The following SI variants were observed in gnomAD, a reference collection of about 807,000 sequenced individuals.
SI encodes the protein sucrase-isomaltase.
SI carries 235 observed loss-of-function variants against 253.3 expected under a neutral mutation model. The observed-to-expected ratio is 0.93, with a 90% CI of 0.83 to 1.03. SI has a LOEUF of 1.03. Among genes scored for constraint, SI ranks in the 50% least tolerant of loss-of-function variants. The pLI is 0.00. For synonymous variants in SI, 819 were observed against 712.0 expected (o/e 1.15, Z -2.39); for missense variants, 2,442 against 2,211.1 (o/e 1.10, Z -2.09).
Position 165,063,467 on chromosome 3 carries a change from A to C in SI, c.882T>G (p.Val294=), listed in dbSNP as rs1031859278. The change falls in exon 8 of 48, where the codon GTT becomes GTG. Residue 294 remains valine, a synonymous_variant. Coordinates refer to ENST00000264382, the MANE Select transcript of SI (RefSeq NM_001041.4). ...IEDTSGKSFG[V]FLMNSNAMEI... ...CCATTGCATTGCTATTCATTAAAAA[A>C]ACACCGAATGACTTTCCAGATGTAT... 1.9e-6 allele frequency: 3 copies of C among 1,543,052 alleles called. No individual in the cohort carries two copies. The highest frequency in any genetic ancestry group is 2.7e-6 in the Non-Finnish European group (3 of 1,117,422).
chr3:165,062,247 G>C (rs1464993387), intron 9 of SI, 124 bp downstream of exon 9: 1 of 637,746 alleles, frequency 1.6e-6, no homozygotes, highest in Non-Finnish European at 2.8e-6. Context: ...AATATGATAA[G>C]ATTTTCGAAA....
At chr3:165,077,992 T>C (rs1388625131) in intron 1 of SI, among the ~76,000 whole-genome samples, 1 of 151,646 alleles carries the variant, frequency 6.6e-6, no homozygotes, top group Non-Finnish European at 1.5e-5. Flanking sequence ...TACTTTATTG[T>C]ATAACAACTT....
chr3:165,055,453 G>A (rs1293837989), intron 12 of SI, 146 bp from the exon 13 acceptor site: 5 of 543,074 alleles, frequency 9.2e-6, no homozygotes, highest in African/African-American at 5.7e-5. Flanking sequence ...AAATTTACAA[G>A]AATATCATGA....
At chr3:165,041,334 GA>G (rs1294506741) in intron 17 of SI, among the ~76,000 whole-genome samples, 1 of 151,972 alleles carries the variant, frequency 6.6e-6, no homozygotes, top group Admixed American at 6.6e-5. Context: ...CGTTGCCACA[GA>G]AAAAATAAAT....
intron 25 of SI, among the ~76,000 whole-genome samples, chr3:165,026,248 A>C (rs1313669348): frequency 6.6e-6 from 1 of 151,310 alleles, no homozygotes; most frequent in Non-Finnish European, 1.5e-5. Context: ...GGACATTATA[A>C]AATGATAAAA....
chr3:165,080,619 G>A (rs997861692), upstream of SI, among the ~76,000 whole-genome samples: 1 of 151,936 alleles, frequency 6.6e-6, no homozygotes, highest in Non-Finnish European at 1.5e-5. Flanking sequence ...GGATGAAGCT[G>A]GAAACCATCA....
intron 15 of SI, among the ~76,000 whole-genome samples, chr3:165,048,104 T>C (rs956126201): frequency 6.6e-6 from 1 of 152,064 alleles, no homozygotes; most frequent in African/African-American, 2.4e-5. Context: ...ACACCATGAA[T>C]ACAGTGGTTA....
intron 5 of SI, among the ~76,000 whole-genome samples, chr3:165,068,266 A>G (rs1442829771): frequency 6.6e-6 from 1 of 152,208 alleles, no homozygotes; most frequent in Non-Finnish European, 1.5e-5. Context: ...AATATTTTAC[A>G]TGAACGATAT....
rs950137590 is a variant in SI, at chr3:165,074,116, A to G, written c.255+415T>C. ...AATTGCTAAATTAAAAACAATTAAT[A>G]ATTTTCATAAAATGAGTATTTTGTT... On this transcript the variant is annotated intron_variant, in intron 3 of 47. Transcript: ENST00000264382. Among the ~76,000 whole-genome samples the G allele has an allele frequency of 3.3e-5, 5 of 152,058 alleles. No individual in the cohort carries two copies. In the South Asian group the frequency reaches 1.0e-3, roughly 32 times the overall value.
Position 164,991,401 on chromosome 3 carries a change from C to T in SI, c.5060G>A (p.Gly1687Asp), listed in dbSNP as rs765389131. The T allele has an allele frequency of 3.1e-6, 5 of 1,613,536 alleles. No individual in the cohort carries two copies. The highest frequency in any genetic ancestry group is 4.2e-6 in the Non-Finnish European group (5 of 1,179,754). Residue 1687 changes from glycine (G) to aspartate (D), a missense_variant, in exon 44 of 48, where the codon GGT (glycine) becomes GAT (aspartate). Gly to Asp is a moderately conservative substitution (Grantham distance 94, BLOSUM62 -1). Transcript: ENST00000264382. Reference sequence around the variant, plus strand: ...CTCTTGACATGGTAGGATGTGACCACCACGGACATGTAGGTTTATTGTGTC... The same window carrying T: ...CTCTTGACATGGTAGGATGTGACCATCACGGACATGTAGGTTTATTGTGTC... Reference protein sequence around the residue: ...SYDTINLHVRGGHILPCQEPA... With the variant: ...SYDTINLHVRDGHILPCQEPA...
intron 17 of SI, 133 bp downstream of exon 17, chr3:165,042,926 G>A: frequency 2.8e-6 from 2 of 706,732 alleles, no homozygotes; most frequent in Non-Finnish European, 5.1e-6. Flanking sequence ...ACTTGAGAGA[G>A]GGACTTCTAA....
intron 44 of SI, among the ~76,000 whole-genome samples, chr3:164,987,458 C>A (rs937319036): frequency 6.6e-6 from 1 of 152,140 alleles, no homozygotes; most frequent in Non-Finnish European, 1.5e-5. Flanking sequence ...CGCCTGTAAT[C>A]CCAGCACTTT....
intron 1 of SI, among the ~76,000 whole-genome samples, 164 bp downstream of exon 1, chr3:165,078,269 G>A (rs1715132971): frequency 1.3e-5 from 2 of 151,216 alleles, no homozygotes; most frequent in South Asian, 2.1e-4. Flanking sequence ...ATTTTTTCCT[G>A]TTTAATACAA....
At chr3:165,046,365 C>T (rs1322134165) in intron 16 of SI, among the ~76,000 whole-genome samples, 2 of 150,172 alleles carry the variant, frequency 1.3e-5, no homozygotes, top group Non-Finnish European at 3.0e-5. Context: ...TCTACAATTC[C>T]TAGTACACAT....
intron 34 of SI, among the ~76,000 whole-genome samples, chr3:165,009,864 A>T (rs1339244856): frequency 6.6e-6 from 1 of 152,078 alleles, no homozygotes; most frequent in African/African-American, 2.4e-5. Flanking sequence ...AGCCCTTCTC[A>T]TCCCAACAGA....
chr3:165,039,356 A>G (rs1042951584), intron 19 of SI, among the ~76,000 whole-genome samples: 1 of 152,134 alleles, frequency 6.6e-6, no homozygotes, highest in Non-Finnish European at 1.5e-5. Context: ...TAATTTAGAT[A>G]GCAATTAAAA....
chr3:165,021,825 C>G (rs1711637696), intron 26 of SI, among the ~76,000 whole-genome samples: 1 of 151,526 alleles, frequency 6.6e-6, no homozygotes, highest in African/African-American at 2.4e-5. Flanking sequence ...CCACTAGGGT[C>G]TGAGTATACT....
rs1157409103 is a variant in SI, at chr3:165,060,291, T to C, written c.1021-264A>G. Among the ~76,000 whole-genome samples the C allele has an allele frequency of 7.2e-5, 11 of 152,094 alleles. No individual in the cohort carries two copies. In the East Asian group the frequency reaches 1.7e-3, roughly 24 times the overall value. On this transcript the variant is annotated intron_variant, in intron 9 of 47. Transcript: ENST00000264382. ...TTAGAAAGTGTAGCATATCAGAAAGTAGCTTTTGCCAAGATATGTTTTGTC... is the reference window on the plus strand; with the variant it reads ...TTAGAAAGTGTAGCATATCAGAAAGCAGCTTTTGCCAAGATATGTTTTGTC...
At chr3:165,013,080 T>A in intron 33 of SI, 38 bp from the exon 34 acceptor site, 1 of 1,301,864 alleles carries the variant, frequency 7.7e-7, no homozygotes, top group African/African-American at 1.4e-5. Flanking sequence ...GATCAAAACA[T>A]AGTCAGCATG....
Sources: allele counts gnomAD v4.1 joint callset (sites outside exome capture counted in the v4.1 genomes callset), GRCh38; gene constraint gnomAD v4.1.1; transcripts MANE v1.5; gene names NCBI Gene and HGNC (gene_info 2026-07-23, HGNC 2026-07-21).